Variants in TMTC4 observed in about 807,000 individuals in gnomAD.
TMTC4 encodes the protein transmembrane O-mannosyltransferase targeting cadherins 4.
TMTC4 carries 65 observed loss-of-function variants against 86.0 expected under a neutral mutation model. The observed-to-expected ratio is 0.76, with a 90% CI of 0.62 to 0.93. TMTC4 has a LOEUF of 0.93. Ranked by LOEUF, TMTC4 falls within the 40% of genes least tolerant of loss-of-function variation. The probability of loss-of-function intolerance (pLI) is 0.00; values close to 1 mark genes in which losing one functional copy is unlikely to be tolerated. For missense variants in TMTC4, 866 were observed against 948.1 expected, an observed-to-expected ratio of 0.91 and a Z score of 1.14; for synonymous variants, 379 against 382.5, an observed-to-expected ratio of 0.99 and a Z score of 0.11.
chr13:100,625,555 A>G lies in TMTC4; in HGVS notation c.1816T>C (p.Tyr606His). The change falls in exon 15 of 19, where the codon TAC becomes CAC. Residue 606 changes from tyrosine to histidine, a missense_variant. By Grantham distance (83) the Tyr-to-His change is moderately conservative. Transcript: ENST00000342624. ...CTTACCAGACGCCCGAGGTTGTAGT[A>G]ACAGTCTGGGTATTTCCTTCTGTGT... is the stretch of plus-strand genomic sequence containing the variant. The part of the protein sequence containing the change: ...IKHRRKYPDC[Y>H]YNLGRLYADL... 6.2e-7 allele frequency: 1 copy of G among 1,614,156 alleles called. No homozygotes were observed. Among genetic ancestry groups the G allele is most frequent in the South Asian group, 1.1e-5 (1 of 91,082 alleles).
chr13:100,625,876 C>T lies in TMTC4; in HGVS notation c.1603G>A (p.Val535Ile), dbSNP rs745675954. 8 of 1,613,028 alleles carry T rather than the reference C, an allele frequency of 5.0e-6. No individual in the cohort carries two copies. The South Asian group carries it at 8.8e-5, about 18-fold the overall frequency. The change falls in exon 14 of 19, where the codon GTT becomes ATT. Residue 535 changes from valine to isoleucine, a missense_variant. Physicochemically the swap from Val to Ile is conservative, Grantham distance 29. Coordinates refer to ENST00000342624, the MANE Select transcript of TMTC4 (RefSeq NM_032813.5). ...REAVRLNPKYVHAMNNLGNIL... is the reference protein window; with the variant it reads ...REAVRLNPKYIHAMNNLGNIL... The stretch of plus-strand genomic sequence containing the variant: ...TTTCCAAGATTATTCATGGCATGAA[C>T]ATACTTGGGATTTAATCTGAAAGTT...
At chr13:100,633,214 C>CA (rs770611242) in intron 12 of TMTC4, among the ~76,000 whole-genome samples, 1 of 145,956 alleles carries the variant, frequency 6.9e-6, no homozygotes, top group Non-Finnish European at 1.5e-5. Context: ...GAGGCTGAGG[C>CA]AGGAGAATCG....
chr13:100,618,797 G>GGGTT (rs1878976613), intron 15 of TMTC4, among the ~76,000 whole-genome samples: 1 of 152,324 alleles, frequency 6.6e-6, no homozygotes, highest in African/African-American at 2.4e-5. Flanking sequence ...AGAGAGCACA[G>GGGTT]GGTTGGGGGT....
intron 3 of TMTC4, chr13:100,666,043 A>C (rs1027298854): frequency 1.4e-4 from 62 of 456,588 alleles, no homozygotes; most frequent in African/African-American, 1.2e-3. Flanking sequence ...CTCCCTTTGA[A>C]CAGGAAATGA....
At chr13:100,622,591 C>A (rs1362857791) in intron 15 of TMTC4, among the ~76,000 whole-genome samples, 1 of 152,048 alleles carries the variant, frequency 6.6e-6, no homozygotes. Flanking sequence ...TTTCTTTTGT[C>A]TGCTGCCATG....
At chr13:100,674,180 G>GCGCCCGGA in intron 1 of TMTC4, 1 of 971,760 alleles carries the variant, frequency 1.0e-6, no homozygotes, top group Non-Finnish European at 1.2e-6. Flanking sequence ...GGGCGCCCGG[G>GCGCCCGGA]CCGGTGGCCC....
chr13:100,636,796 G>A (rs554421476), intron 9 of TMTC4, 62 bp from the exon 10 acceptor site: 34 of 1,552,586 alleles, frequency 2.2e-5, no homozygotes, highest in African/African-American at 1.2e-4. Flanking sequence ...ACATATATAC[G>A]CACTAACTTC....
chr13:100,616,689 C>T (rs1878556499), intron 15 of TMTC4, among the ~76,000 whole-genome samples: 1 of 152,058 alleles, frequency 6.6e-6, no homozygotes, highest in Non-Finnish European at 1.5e-5. Flanking sequence ...CTTGTTTTTT[C>T]ACTTTTTGAT....
At chr13:100,615,818 T>C (rs1360351872) in intron 15 of TMTC4, among the ~76,000 whole-genome samples, 3 of 152,216 alleles carry the variant, frequency 2.0e-5, no homozygotes, top group African/African-American at 7.2e-5. Context: ...AATTGTGTGA[T>C]GCTGAGGTTT....
At chr13:100,673,663 T>A (rs946845) in intron 1 of TMTC4, among the ~76,000 whole-genome samples, 8,500 of 152,320 alleles carry the variant, frequency 0.056, 386 homozygotes, top group Admixed American at 0.13. Context: ...GGCCTTCCCA[T>A]TTTATAATTC....
At chr13:100,624,716 A>G (rs1880180533) in intron 15 of TMTC4, among the ~76,000 whole-genome samples, 1 of 152,238 alleles carries the variant, frequency 6.6e-6, no homozygotes, top group Non-Finnish European at 1.5e-5. Flanking sequence ...ATCTACATAT[A>G]AACTTCTGTG....
chr13:100,616,240 G>A (rs969799176), intron 15 of TMTC4, among the ~76,000 whole-genome samples: 2 of 151,952 alleles, frequency 1.3e-5, no homozygotes, highest in African/African-American at 2.4e-5. Context: ...GTCTTGCTCT[G>A]TCACCCAGGC....
At chr13:100,617,205 G>C (rs1878645434) in intron 15 of TMTC4, among the ~76,000 whole-genome samples, 1 of 152,108 alleles carries the variant, frequency 6.6e-6, no homozygotes, top group Admixed American at 6.5e-5. Context: ...GTGACCAGTG[G>C]CTCACTACAG....
Position 100,625,454 on chromosome 13 carries a change from G to A in TMTC4, c.1836+81C>T, listed in dbSNP as rs113749474. The A allele has an allele frequency of 3.3e-3, 5,018 of 1,541,398 alleles. 9 individuals carry two copies. The highest frequency in any genetic ancestry group is 3.7e-3 in the Non-Finnish European group (4,216 of 1,125,578). ...ACTTTATAAAATGTATGGGCTAGGT[G>A]GGTGTCACTATGTCATTTTATTATA... On this transcript the variant is annotated intron_variant, in intron 15 of 18. Transcript: ENST00000342624.
At chr13:100,615,757 A>G (rs1878381466) in intron 15 of TMTC4, among the ~76,000 whole-genome samples, 1 of 152,180 alleles carries the variant, frequency 6.6e-6, no homozygotes, top group South Asian at 2.1e-4. Flanking sequence ...TCGGCCTTCA[A>G]CTTTTTATTT....
At chr13:100,668,521 T>C in intron 3 of TMTC4, 58 bp downstream of exon 3, 1 of 1,527,930 alleles carries the variant, frequency 6.5e-7, no homozygotes, top group Non-Finnish European at 9.0e-7. Context: ...CATACTTAGA[T>C]GATTACTGAG....
chr13:100,669,843 GGTA>G (rs1397504276), intron 2 of TMTC4, among the ~76,000 whole-genome samples: 1 of 152,052 alleles, frequency 6.6e-6, no homozygotes, highest in Non-Finnish European at 1.5e-5. Flanking sequence ...ATCAGGTTTG[GGTA>G]AGACTGCTCG....
At chr13:100,670,308 G>T (rs1334300915) in intron 2 of TMTC4, 52 bp downstream of exon 2, 4 of 1,593,556 alleles carry the variant, frequency 2.5e-6, no homozygotes, top group Non-Finnish European at 3.4e-6. Flanking sequence ...TCTTTCTATA[G>T]CCTTCTGTCT....
intron 12 of TMTC4, among the ~76,000 whole-genome samples, chr13:100,626,926 G>A (rs1337247788): frequency 6.6e-6 from 1 of 152,180 alleles, no homozygotes; most frequent in East Asian, 1.9e-4. Flanking sequence ...GGGTCATGAG[G>A]GTGGAGGCCC....
Sources: gnomAD v4.1 joint callset for allele counts (sites outside exome capture counted in the v4.1 genomes callset) on GRCh38, gnomAD v4.1.1 for gene constraint, MANE v1.5 for transcripts, NCBI Gene and HGNC (gene_info 2026-07-23, HGNC 2026-07-21) for gene names.